The following TRAPPC8 variants were observed in gnomAD, a reference collection of about 807,000 sequenced individuals.
The protein encoded by TRAPPC8 is trafficking protein particle complex subunit 8, also known as general sporulation gene 1 homolog.
A neutral mutation model predicts 174.3 loss-of-function variants in TRAPPC8; 54 were observed. The ratio of observed to expected loss-of-function variants is 0.31; its 90% CI spans 0.25 to 0.39. TRAPPC8 has a LOEUF of 0.39. TRAPPC8 is among the 10% of genes least tolerant of loss of function. TRAPPC8 has a pLI of 1.00. For synonymous variants in TRAPPC8, 630 were observed against 579.9 expected (o/e 1.09, Z -1.24); for missense variants, 1,531 against 1,699.1 (o/e 0.90, Z 1.74).
intron 14 of TRAPPC8, among the ~76,000 whole-genome samples, chr18:31,873,007 CTTTTTT>C (rs59209328): frequency 4.6e-4 from 34 of 74,628 alleles, no homozygotes; most frequent in African/African-American, 1.9e-3. Context: ...ATTCATTTTC[CTTTTTT>C]TTTTTTTTTT....
intron 26 of TRAPPC8, among the ~76,000 whole-genome samples, chr18:31,841,923 A>G (rs2033123897): frequency 6.6e-6 from 1 of 152,200 alleles, no homozygotes; most frequent in Non-Finnish European, 1.5e-5. Context: ...TCTTTAAGAG[A>G]CAGGGTCTTG....
intron 1 of TRAPPC8, chr18:31,939,790 G>A (rs1423466467): frequency 1.3e-5 from 2 of 152,218 alleles, no homozygotes; most frequent in Admixed American, 6.6e-5. Context: ...GGGAAGTTGA[G>A]GCTGCAGTGG....
chr18:31,897,254 C>T (rs1211463468), intron 11 of TRAPPC8, among the ~76,000 whole-genome samples: 1 of 152,110 alleles, frequency 6.6e-6, no homozygotes, highest in African/African-American at 2.4e-5. Flanking sequence ...GTAAAATCTT[C>T]AACAACTATA....
At chr18:31,923,131 C>T (rs1208389361) in intron 2 of TRAPPC8, among the ~76,000 whole-genome samples, 1 of 152,102 alleles carries the variant, frequency 6.6e-6, no homozygotes, top group Non-Finnish European at 1.5e-5. Context: ...CATTCAAAGA[C>T]TATGCTTGGA....
chr18:31,910,030 C>T (rs1197979058), intron 5 of TRAPPC8, among the ~76,000 whole-genome samples: 1 of 152,072 alleles, frequency 6.6e-6, no homozygotes, highest in African/African-American at 2.4e-5. Flanking sequence ...AGGATATCTA[C>T]TTATATATGA....
chr18:31,846,750 A>G lies in TRAPPC8; in HGVS notation c.3803T>C (p.Ile1268Thr), dbSNP rs2033428030. Residue 1268 changes from isoleucine to threonine, a missense_variant, in exon 26 of 29, where the codon ATA (isoleucine) becomes ACA (threonine). Physicochemically the swap from Ile to Thr is moderately conservative, Grantham distance 89. Transcript: ENST00000283351. Reference protein sequence around the residue: ...EGQHHVILRTIGKEAFSYPQK... With the variant: ...EGQHHVILRTTGKEAFSYPQK... ...AGGATATGAAAAGGCTTCTTTTCCTATAGTGCGAAGAATAACATGATGTTG... is the reference window on the plus strand; with the variant it reads ...AGGATATGAAAAGGCTTCTTTTCCTGTAGTGCGAAGAATAACATGATGTTG... The G allele has an allele frequency of 6.2e-7, 1 of 1,612,996 alleles. No individual in the cohort carries two copies. Among genetic ancestry groups the G allele is most frequent in the African/African-American group, 1.3e-5 (1 of 74,922 alleles).
Position 31,857,793 on chromosome 18 carries a change from T to C in TRAPPC8, c.2935A>G (p.Ser979Gly). The part of the protein sequence containing the change: ...PLSPSASENC[S>G]AYKTVVTDAT... Reference sequence around the variant, plus strand: ...TCTGTCACAACAGTCTTGTAAGCACTACAATTCTCAGAAGCTGAGGGACTT... The same window carrying C: ...TCTGTCACAACAGTCTTGTAAGCACCACAATTCTCAGAAGCTGAGGGACTT... Residue 979 changes from serine (S) to glycine (G), a missense_variant, in exon 20 of 29, where the codon AGT (serine) becomes GGT (glycine). By Grantham distance (56) the Ser-to-Gly change is moderately conservative (BLOSUM62 0). Coordinates refer to ENST00000283351, the MANE Select transcript of TRAPPC8 (RefSeq NM_014939.5). The C allele has an allele frequency of 2.5e-6, 4 of 1,614,158 alleles. No individual in the cohort carries two copies. The highest frequency in any genetic ancestry group is 3.4e-6 in the Non-Finnish European group (4 of 1,180,028).
chr18:31,930,230 C>G (rs751018647), intron 2 of TRAPPC8, among the ~76,000 whole-genome samples: 1 of 151,778 alleles, frequency 6.6e-6, no homozygotes, highest in Non-Finnish European at 1.5e-5. Context: ...AGCGATTCTT[C>G]TGCCTTGGCC....
chr18:31,921,376 G>T (rs1441413469), intron 2 of TRAPPC8, among the ~76,000 whole-genome samples: 2 of 152,144 alleles, frequency 1.3e-5, no homozygotes, highest in African/African-American at 4.8e-5. Context: ...CACTTTGGGA[G>T]GCCGAGGCAG....
At chr18:31,898,058 A>G (rs1448364256) in intron 10 of TRAPPC8, among the ~76,000 whole-genome samples, 167 bp from the exon 11 acceptor site, 1 of 152,190 alleles carries the variant, frequency 6.6e-6, no homozygotes, top group African/African-American at 2.4e-5. Context: ...AGTTCCTTAT[A>G]TAAAATTGTA....
At chr18:31,936,295 C>T (rs554870476) in intron 1 of TRAPPC8, among the ~76,000 whole-genome samples, 1 of 151,218 alleles carries the variant, frequency 6.6e-6, no homozygotes, top group South Asian at 2.1e-4. Flanking sequence ...CCCATCTCTA[C>T]AAAAAAAATT....
chr18:31,889,618 TATTTC>T (rs141693008), intron 12 of TRAPPC8, among the ~76,000 whole-genome samples: 4,403 of 148,078 alleles, frequency 0.03, 222 homozygotes, highest in African/African-American at 0.1. Flanking sequence ...TAGTAATAGT[TATTTC>T]TTTAAGTTTT....
At chr18:31,932,758 G>A (rs1253995960) in intron 1 of TRAPPC8, among the ~76,000 whole-genome samples, 1 of 151,970 alleles carries the variant, frequency 6.6e-6, no homozygotes, top group Non-Finnish European at 1.5e-5. Flanking sequence ...GAGGTGGGTG[G>A]ATCACCTGAG....
chr18:31,902,168 C>G lies in TRAPPC8; in HGVS notation c.1390-1143G>C, dbSNP rs543302707. On this transcript the variant is annotated intron_variant, in intron 9 of 28. Transcript: ENST00000283351. ...TGTCTCTAATAATAATACAAAAATT[C>G]CTGAACACCCTCAACAGCCAGAAGT... 1.1e-4 allele frequency among the ~76,000 whole-genome samples: 16 copies of G among 152,146 alleles called. No homozygotes were observed. The East Asian group carries it at 3.1e-3, about 29-fold the overall frequency.
At chr18:31,847,111 CTG>C (rs2033449412) in intron 25 of TRAPPC8, among the ~76,000 whole-genome samples, 1 of 152,190 alleles carries the variant, frequency 6.6e-6, no homozygotes, top group African/African-American at 2.4e-5. Context: ...TTTAAAAGAA[CTG>C]TGCTATAACA....
At chr18:31,857,292 C>T (rs1386367165) in intron 20 of TRAPPC8, among the ~76,000 whole-genome samples, 1 of 152,046 alleles carries the variant, frequency 6.6e-6, no homozygotes, top group Non-Finnish European at 1.5e-5. Context: ...GTACTTAAAT[C>T]GTATCAAACA....
chr18:31,872,905 A>G (rs2034944894), intron 14 of TRAPPC8, among the ~76,000 whole-genome samples: 1 of 150,468 alleles, frequency 6.6e-6, no homozygotes, highest in Admixed American at 6.7e-5. Flanking sequence ...TTTTGTTTTC[A>G]TTTCATTGTT....
At chr18:31,883,707 A>G (rs2035570193) in intron 12 of TRAPPC8, 1 of 152,248 alleles carries the variant, frequency 6.6e-6, no homozygotes, top group African/African-American at 2.4e-5. Context: ...CTGATTTTTA[A>G]TAACAGGTAT....
intron 22 of TRAPPC8, among the ~76,000 whole-genome samples, chr18:31,853,152 C>A (rs1368996023): frequency 6.6e-6 from 1 of 152,192 alleles, no homozygotes; most frequent in Non-Finnish European, 1.5e-5. Context: ...TGACAATTCA[C>A]AGAAAAGCCA....
Sources: allele counts gnomAD v4.1 joint callset (sites outside exome capture counted in the v4.1 genomes callset), GRCh38; gene constraint gnomAD v4.1.1; transcripts MANE v1.5; gene names NCBI Gene and HGNC (gene_info 2026-07-23, HGNC 2026-07-21).